The following ADAM22 variants were observed in gnomAD, a reference collection of about 807,000 sequenced individuals.
ADAM22 encodes the protein ADAM metallopeptidase domain 22.
Under a neutral mutation model 144.6 loss-of-function variants are expected in ADAM22, and 65 were observed. The ratio of observed to expected loss-of-function variants is 0.45; its 90% CI spans 0.37 to 0.55. The LOEUF (loss-of-function observed/expected upper bound fraction) is 0.55. Ranked by LOEUF, ADAM22 falls within the 20% of genes least tolerant of loss-of-function variation. The probability of loss-of-function intolerance (pLI) is 0.00; values close to 1 mark genes in which losing one functional copy is unlikely to be tolerated. For synonymous variants in ADAM22, 391 were observed against 412.6 expected (o/e 0.95, Z 0.63); for missense variants, 974 against 1,184.9 (o/e 0.82, Z 2.61).
intron 11 of ADAM22, chr7:88,132,205 G>T (rs1409675058): frequency 2.6e-5 from 4 of 151,042 alleles, no homozygotes; most frequent in African/African-American, 9.7e-5. Flanking sequence ...ACTTACTGGG[G>T]ATTTATTATT....
At chr7:88,033,787 C>G (rs1256202873) in intron 3 of ADAM22, among the ~76,000 whole-genome samples, 2 of 152,154 alleles carry the variant, frequency 1.3e-5, no homozygotes, top group Non-Finnish European at 1.5e-5. Flanking sequence ...CTACTCTTGC[C>G]TTTCCACAGG....
At chr7:88,113,703 A>ATATATATATTATAAAT (rs1554478728) in intron 5 of ADAM22, among the ~76,000 whole-genome samples, 3 of 48,106 alleles carry the variant, frequency 6.2e-5, no homozygotes, top group African/African-American at 2.4e-4. Context: ...TAAATAAATA[A>ATATATATATTATAAAT]ATATATATAT....
At chr7:88,190,703 C>T (rs112796653) in intron 30 of ADAM22, among the ~76,000 whole-genome samples, 2 of 152,096 alleles carry the variant, frequency 1.3e-5, no homozygotes, top group East Asian at 1.9e-4. Flanking sequence ...GCCTGGAGAT[C>T]GTTTTGAAGA....
At chr7:88,184,926 G>A (rs1847939453) in intron 29 of ADAM22, among the ~76,000 whole-genome samples, 1 of 152,312 alleles carries the variant, frequency 6.6e-6, no homozygotes, top group Non-Finnish European at 1.5e-5. Context: ...TTCTAAGATT[G>A]TCAGTGAAAG....
intron 7 of ADAM22, among the ~76,000 whole-genome samples, chr7:88,119,351 G>C (rs1047332285): frequency 2.6e-5 from 4 of 152,176 alleles, no homozygotes; most frequent in African/African-American, 7.2e-5. Context: ...TTTGTCTGTT[G>C]TAGAACTTTA....
chr7:88,117,693 A>AT (rs11290840), intron 7 of ADAM22, among the ~76,000 whole-genome samples: 2,534 of 134,920 alleles, frequency 0.019, 77 homozygotes, highest in African/African-American at 0.061. Context: ...CCTTATTTTA[A>AT]TTTTTTTTTT....
At chr7:88,057,235 C>T (rs2129475922) in intron 3 of ADAM22, among the ~76,000 whole-genome samples, 2 of 152,066 alleles carry the variant, frequency 1.3e-5, no homozygotes, top group South Asian at 4.1e-4. Flanking sequence ...TCTAGGATTA[C>T]AGGCATGAGC....
chr7:88,089,999 C>T (rs1185451631), intron 4 of ADAM22: 1 of 152,170 alleles, frequency 6.6e-6, no homozygotes, highest in Non-Finnish European at 1.5e-5. Flanking sequence ...GTATAGTTCA[C>T]ATAGCATAAA....
intron 4 of ADAM22, among the ~76,000 whole-genome samples, chr7:88,103,890 C>A (rs547845694): frequency 6.6e-6 from 1 of 152,130 alleles, no homozygotes; most frequent in East Asian, 1.9e-4. Flanking sequence ...AAGTAAAATG[C>A]AGTTTATGAT....
At chr7:88,019,946 TA>T (rs565921983) in intron 3 of ADAM22, among the ~76,000 whole-genome samples, 1 of 151,342 alleles carries the variant, frequency 6.6e-6, no homozygotes, top group Non-Finnish European at 1.5e-5. Context: ...CCTCAAATGA[TA>T]AAAAACTACA....
chr7:88,131,241 T>C, intron 10 of ADAM22, 28 bp from the exon 11 acceptor site: 1 of 1,592,088 alleles, frequency 6.3e-7, no homozygotes, highest in Non-Finnish European at 8.6e-7. Flanking sequence ...CATGTACAGC[T>C]GATGTGTTCA....
At chr7:88,062,721 A>G (rs898322789) in intron 3 of ADAM22, among the ~76,000 whole-genome samples, 1 of 152,176 alleles carries the variant, frequency 6.6e-6, no homozygotes, top group South Asian at 2.1e-4. Context: ...ACTAAGCTTA[A>G]TTGTGTCTAG....
Position 88,105,698 on chromosome 7 carries a change from T to G in ADAM22, c.391-2478T>G, listed in dbSNP as rs531112122. On this transcript the variant is annotated intron_variant, in intron 4 of 31. Transcript: ENST00000413139. ...CATTGGGGATAGGACACAGGCCTTG[T>G]ATCCACATAAAGTTTTCATCCCTAC... 3.9e-5 allele frequency among the ~76,000 whole-genome samples: 6 copies of G among 152,322 alleles called. No individual in the cohort carries two copies. The South Asian group carries it at 8.3e-4, about 21-fold the overall frequency.
At chr7:88,062,869 G>A (rs920988240) in intron 3 of ADAM22, among the ~76,000 whole-genome samples, 3 of 152,104 alleles carry the variant, frequency 2.0e-5, no homozygotes, top group African/African-American at 7.2e-5. Context: ...GGAGGGAGAT[G>A]GGGGAATGGC....
At chr7:88,151,110 G>T in intron 19 of ADAM22, 79 bp downstream of exon 19, 1 of 1,535,692 alleles carries the variant, frequency 6.5e-7, no homozygotes, top group Non-Finnish European at 9.0e-7. Flanking sequence ...AAAATAGGAA[G>T]ATCAATTTAA....
chr7:88,020,571 C>T (rs1236101635), intron 3 of ADAM22, among the ~76,000 whole-genome samples: 1 of 152,132 alleles, frequency 6.6e-6, no homozygotes, highest in Non-Finnish European at 1.5e-5. Flanking sequence ...TGTACTTCTT[C>T]CTTCACTATT....
intron 3 of ADAM22, among the ~76,000 whole-genome samples, chr7:88,009,526 A>G (rs1176242314): frequency 6.6e-6 from 1 of 152,152 alleles, no homozygotes. Context: ...ATTTTTCACT[A>G]ATTTTTTTGA....
At chr7:88,115,209 C>T (rs375301156) in intron 6 of ADAM22, among the ~76,000 whole-genome samples, 1 of 152,188 alleles carries the variant, frequency 6.6e-6, no homozygotes, top group Non-Finnish European at 1.5e-5. Flanking sequence ...GAATGAGACT[C>T]CGTCTCCAAA....
At chr7:88,098,603 A>G (rs1322697011) in intron 4 of ADAM22, among the ~76,000 whole-genome samples, 2 of 152,098 alleles carry the variant, frequency 1.3e-5, no homozygotes, top group African/African-American at 2.4e-5. Flanking sequence ...AGAGACAAAC[A>G]CAGAAAGTTA....
Sources: allele counts gnomAD v4.1 joint callset (sites outside exome capture counted in the v4.1 genomes callset), GRCh38; gene constraint gnomAD v4.1.1; transcripts MANE v1.5; gene names NCBI Gene and HGNC (gene_info 2026-07-23, HGNC 2026-07-21).